The following PCDHA1 variants were observed in gnomAD, a reference collection of about 807,000 sequenced individuals.
PCDHA1 encodes protocadherin alpha 1.
In PCDHA1, 42 loss-of-function variants were observed where a neutral mutation model predicts 61.3. The ratio of observed to expected loss-of-function variants is 0.69; its 90% CI spans 0.54 to 0.89. The LOEUF (loss-of-function observed/expected upper bound fraction) is 0.89. Among genes scored for constraint, PCDHA1 ranks in the 40% least tolerant of loss-of-function variants. PCDHA1 has a pLI of 0.00. For missense variants in PCDHA1, 1,256 were observed against 1,235.3 expected (o/e 1.02, Z -0.25); for synonymous variants, 610 against 553.8 (o/e 1.10, Z -1.43).
intron 3 of PCDHA1, among the ~76,000 whole-genome samples, chr5:140,990,479 G>A (rs1227837227): frequency 3.3e-5 from 5 of 152,184 alleles, no homozygotes; most frequent in Non-Finnish European, 5.9e-5. Context: ...GTATCAAGCT[G>A]AATAGTGAGG....
At position 140,812,160 on chromosome 5, in the gene PCDHA1, T is replaced by TTGTTGTTGTTGTTGC. The variant is rs1200150321; in HGVS notation, c.2394+23480_2394+23481insGTTGTTGTTGCTGTT. The TTGTTGTTGTTGTTGC allele has an allele frequency of 2.6e-5, 4 of 152,188 alleles. No homozygotes were observed. In the East Asian group the frequency reaches 7.7e-4, roughly 29 times the overall value. The allele number at this position is 152,188 out of a possible 1,614,324, so 9.4% of individuals were successfully genotyped here. A position where few individuals can be genotyped will look rare whatever the true frequency, so the allele number is the denominator to read the frequency against. ...TGGTTTTGGGCTTTTGTTGTTGTTG[T>TTGTTGTTGTTGTTGC]TGTTAGGAGGTTTGGATTACTGATT... On this transcript the variant is annotated intron_variant, in intron 1 of 3. Coordinates refer to ENST00000504120, the MANE Select transcript of PCDHA1 (RefSeq NM_018900.4).
chr5:140,803,108 G>T (rs1554122579), intron 1 of PCDHA1: 21 of 1,613,830 alleles, frequency 1.3e-5, no homozygotes, highest in Non-Finnish European at 1.7e-5. Flanking sequence ...CCCGTGCCCT[G>T]GACGAGGTGG....
chr5:140,808,420 T>A (rs782362882), intron 1 of PCDHA1: 1 of 1,614,026 alleles, frequency 6.2e-7, no homozygotes, highest in African/African-American at 1.3e-5. Context: ...TGCTGGACAG[T>A]GCCCTGGACC....
At chr5:140,796,148 TC>T in intron 1 of PCDHA1, 1 of 1,614,220 alleles carries the variant, frequency 6.2e-7, no homozygotes, top group Non-Finnish European at 8.5e-7. Flanking sequence ...CACGTCCCTT[TC>T]AAGCTGGTGT....
At chr5:140,879,876 A>G (rs1326051828) in intron 1 of PCDHA1, among the ~76,000 whole-genome samples, 1 of 152,126 alleles carries the variant, frequency 6.6e-6, no homozygotes, top group Non-Finnish European at 1.5e-5. Flanking sequence ...TCATGGTCAC[A>G]TTGCCTCCTC....
intron 1 of PCDHA1, chr5:140,967,531 T>C (rs1399482021): frequency 3.7e-6 from 6 of 1,613,104 alleles, no homozygotes; most frequent in Non-Finnish European, 4.2e-6. Context: ...ACAACTCTCC[T>C]GCCTTTGACC....
At chr5:140,871,075 C>A in intron 1 of PCDHA1, 1 of 1,613,242 alleles carries the variant, frequency 6.2e-7, no homozygotes. Context: ...TGAGCCGGCG[C>A]TGACGGCCAC....
At chr5:140,803,098 C>T in intron 1 of PCDHA1, 1 of 1,613,860 alleles carries the variant, frequency 6.2e-7, no homozygotes, top group Non-Finnish European at 8.5e-7. Flanking sequence ...ATCAGCACGA[C>T]CCGTGCCCTG....
chr5:140,901,249 C>T (rs1554189685), intron 1 of PCDHA1, among the ~76,000 whole-genome samples: 1 of 151,994 alleles, frequency 6.6e-6, no homozygotes, highest in Admixed American at 6.6e-5. Flanking sequence ...TCCTTTGGTT[C>T]CCTGTGATTG....
chr5:140,855,687 GA>G (rs1455055346), intron 1 of PCDHA1, among the ~76,000 whole-genome samples: 4 of 149,608 alleles, frequency 2.7e-5, no homozygotes, highest in Admixed American at 2.0e-4. Context: ...CTACATTTAA[GA>G]AAACATTGCA....
At chr5:140,989,007 A>C (rs1356295875) in intron 3 of PCDHA1, 1 of 152,216 alleles carries the variant, frequency 6.6e-6, no homozygotes, top group Non-Finnish European at 1.5e-5. Flanking sequence ...ATAGAGACTT[A>C]TTATAGTTTC....
At chr5:140,885,349 AG>A (rs2060568168) in intron 1 of PCDHA1, among the ~76,000 whole-genome samples, 1 of 152,206 alleles carries the variant, frequency 6.6e-6, no homozygotes, top group African/African-American at 2.4e-5. Context: ...GATTTCCAAA[AG>A]GTACTGGTGA....
intron 1 of PCDHA1, chr5:140,830,390 A>T (rs1554132803): frequency 1.9e-6 from 3 of 1,614,042 alleles, no homozygotes; most frequent in East Asian, 2.2e-5. Flanking sequence ...CCCACCCAAG[A>T]TGGATCTCAT....
intron 1 of PCDHA1, chr5:140,871,675 T>C (rs1474564343): frequency 8.8e-7 from 1 of 1,142,376 alleles, no homozygotes; most frequent in African/African-American, 1.6e-5. Flanking sequence ...CTTTTAATCA[T>C]ATGAATAATC....
At chr5:140,875,251 A>T in intron 1 of PCDHA1, 1 of 1,029,376 alleles carries the variant, frequency 9.7e-7, no homozygotes. Context: ...ATAATCAGTC[A>T]CATGATGTCG....
chr5:141,010,136 CTCTT>C lies in PCDHA1; in HGVS notation c.*203_*206del, dbSNP rs782073868. The C allele has an allele frequency of 1.9e-6, 3 of 1,594,824 alleles. No homozygotes were observed. Among genetic ancestry groups the C allele is most frequent in the Non-Finnish European group, 2.6e-6 (3 of 1,169,724 alleles). On this transcript the variant is annotated 3_prime_UTR_variant, in exon 4 of 4. Transcript: ENST00000504120. ...AAAGCTTTACTAAGTCTGGTGTTAACTCTTTCTCTCCACTCTGGCTTGTTTTCAG... is the reference window on the plus strand; with the variant it reads ...AAAGCTTTACTAAGTCTGGTGTTAACTCTCTCCACTCTGGCTTGTTTTCAG...
chr5:140,808,318 A>T, intron 1 of PCDHA1: 2 of 1,614,246 alleles, frequency 1.2e-6, no homozygotes, highest in Non-Finnish European at 1.7e-6. Context: ...TGTCCGACAA[A>T]GACATGGGTG....
intron 1 of PCDHA1, chr5:140,857,903 A>C (rs1554150826): frequency 6.3e-7 from 1 of 1,597,806 alleles, no homozygotes; most frequent in East Asian, 2.2e-5. Context: ...TGGTGCACGC[A>C]TCCCGTTTCG....
At chr5:140,983,392 C>T (rs1190599444) in intron 3 of PCDHA1, among the ~76,000 whole-genome samples, 2 of 152,150 alleles carry the variant, frequency 1.3e-5, no homozygotes, top group African/African-American at 2.4e-5. Context: ...TGGCAGTTTT[C>T]AGAAAGGGAA....
Sources: allele counts gnomAD v4.1 joint callset (sites outside exome capture counted in the v4.1 genomes callset), GRCh38; gene constraint gnomAD v4.1.1; transcripts MANE v1.5; gene names NCBI Gene and HGNC (gene_info 2026-07-23, HGNC 2026-07-21).